The following LY6D variants were observed in gnomAD, a reference collection of about 807,000 sequenced individuals.
LY6D encodes the protein lymphocyte antigen 6 family member D.
A neutral mutation model predicts 5.6 loss-of-function variants in LY6D; 7 were observed. The ratio of observed to expected loss-of-function variants is 1.24; its 90% confidence interval spans 0.71 to 2.34. The LOEUF (loss-of-function observed/expected upper bound fraction) is 2.34. Among genes scored for constraint, LY6D ranks in the 30% most tolerant of loss-of-function variants. The pLI is 0.00. For synonymous variants in LY6D, 81 were observed against 75.0 expected (o/e 1.08, Z -0.41); for missense variants, 148 against 164.8 (o/e 0.90, Z 0.56).
intron 1 of LY6D, 60 bp from the exon 2 acceptor site, chr8:142,785,747 G>T: frequency 6.3e-7 from 1 of 1,596,624 alleles, no homozygotes; most frequent in South Asian, 1.1e-5. Context: ...GACTCAGCAG[G>T]GCCTGCTCCC....
chr8:142,785,302 G>A lies in LY6D; in HGVS notation c.306C>T (p.Thr102=), dbSNP rs1472736924. 1.2e-6 allele frequency: 2 copies of A among 1,613,490 alleles called. No homozygotes were observed. The highest frequency in any genetic ancestry group is 8.5e-7 in the Non-Finnish European group (1 of 1,179,914). The change falls in exon 3 of 3, where the codon ACC becomes ACT. Residue 102 remains threonine, a synonymous_variant. Transcript: ENST00000301263. ...CNEKLHNAAP[T]RTALAHSALS... Reference sequence around the variant, plus strand: ...GGGCACTGTGGGCGAGGGCGGTGCGGGTGGGTGCAGCGTTGTGCAGCTTCT... The same window carrying A: ...GGGCACTGTGGGCGAGGGCGGTGCGAGTGGGTGCAGCGTTGTGCAGCTTCT...
At chr8:142,786,438 G>T in intron 1 of LY6D, 27 bp downstream of exon 1, 1 of 1,190,524 alleles carries the variant, frequency 8.4e-7, no homozygotes, top group Non-Finnish European at 1.2e-6. Flanking sequence ...CCGCCCACCC[G>T]CCCGTCCCCT....
At chr8:142,785,551 C>A (rs750519427) in intron 2 of LY6D, 38 bp downstream of exon 2, 1 of 1,607,908 alleles carries the variant, frequency 6.2e-7, no homozygotes, top group African/African-American at 1.3e-5. Context: ...CCAGGGATGT[C>A]CCCCAGCCCC....
intron 1 of LY6D, chr8:142,785,961 G>A: frequency 7.6e-7 from 1 of 1,323,620 alleles, no homozygotes; most frequent in Non-Finnish European, 9.7e-7. Flanking sequence ...GTCTCAGGGA[G>A]CTCTGCGACT....
chr8:142,785,216 G>T lies in LY6D; in HGVS notation c.*5C>A, dbSNP rs1223232965. 1 of 1,593,694 alleles carries T rather than the reference G, an allele frequency of 6.3e-7. No individual in the cohort carries two copies. Among genetic ancestry groups the T allele is most frequent in the Admixed American group, 1.7e-5 (1 of 59,582 alleles). On this transcript the variant is annotated 3_prime_UTR_variant, in exon 3 of 3. Coordinates refer to ENST00000301263, the MANE Select transcript of LY6D (RefSeq NM_003695.3). ...AGGCATGAGGGGCCTTCCCTGGGGG[G>T]AAGGTCACAGGCTGGGGGCTAAGAT... is the stretch of plus-strand genomic sequence containing the variant.
rs1241792929 is a variant in LY6D at position 142,785,365 on chromosome 8, G to A, written c.243C>T (p.Thr81=). The change falls in exon 3 of 3, where the codon ACC becomes ACT. Residue 81 remains threonine, a synonymous_variant. Coordinates refer to ENST00000301263, the MANE Select transcript of LY6D (RefSeq NM_003695.3). ...YTLQGQVSSG[T]SSTQCCQEDL... Reference sequence around the variant, plus strand: ...CCTCCTGGCAGCACTGGGTGGAGCTGGTGCCGCTGCTGACCTGGCCTTGCA... The same window carrying A: ...CCTCCTGGCAGCACTGGGTGGAGCTAGTGCCGCTGCTGACCTGGCCTTGCA... 3.1e-6 allele frequency: 5 copies of A among 1,613,698 alleles called. No individual in the cohort carries two copies. The highest frequency in any genetic ancestry group is 1.1e-5 in the South Asian group (1 of 91,082).
rs1401708530 is a variant in LY6D, at chr8:142,785,627, C to A, written c.113G>T (p.Cys38Phe). 1 of 1,613,718 alleles carries A rather than the reference C, an allele frequency of 6.2e-7. No homozygotes were observed. Residue 38 changes from cysteine (C) to phenylalanine (F), a missense_variant, in exon 2 of 3, where the codon TGC (cysteine) becomes TTC (phenylalanine). Cys to Phe is a radical substitution (Grantham distance 205). Transcript: ENST00000301263. ...SSSNCKHSVV[C>F]PASSRFCKTT... is the part of the protein sequence containing the mutation. ...CTTGCAGAAGCGAGAGCTGGCCGGG[C>A]AGACCACAGAATGCTTGCAGTTGCT...
At chr8:142,785,550 T>C (rs1476240797) in intron 2 of LY6D, 39 bp downstream of exon 2, 1 of 1,607,240 alleles carries the variant, frequency 6.2e-7, no homozygotes, top group Non-Finnish European at 8.5e-7. Context: ...GCCAGGGATG[T>C]CCCCCAGCCC....
At position 142,785,041 on chromosome 8, in the gene LY6D, G is replaced by T; in HGVS notation, c.*180C>A. ...CTGTGGGGTGGCTTCATCCTCTGTGGGGTCTGTGGGGCCTGCTCCAAGTCA... is the reference window on the plus strand; with the variant it reads ...CTGTGGGGTGGCTTCATCCTCTGTGTGGTCTGTGGGGCCTGCTCCAAGTCA... On this transcript the variant is annotated 3_prime_UTR_variant, in exon 3 of 3. Coordinates refer to ENST00000301263, the MANE Select transcript of LY6D (RefSeq NM_003695.3). 6.7e-6 allele frequency: 4 copies of T among 594,980 alleles called. No homozygotes were observed. The South Asian group carries it at 8.4e-5, about 12-fold the overall frequency. The allele number at this position is 594,980 out of a possible 1,614,324, so 36.9% of individuals were successfully genotyped here.
At chr8:142,785,567 C>T (rs200340107) in intron 2 of LY6D, 22 bp downstream of exon 2, 3 of 1,612,622 alleles carry the variant, frequency 1.9e-6, no homozygotes, top group African/African-American at 1.3e-5. Context: ...GCCCCAGGGA[C>T]ACCTGGACAG....
At chr8:142,786,015 C>G (rs1815648928) in intron 1 of LY6D, 1 of 1,241,800 alleles carries the variant, frequency 8.1e-7, no homozygotes, top group African/African-American at 1.5e-5. Context: ...GGGGATGTCC[C>G]TGGAGGAGAT....
rs1815630002 is a variant in LY6D, at chr8:142,785,266, C to T, written c.342G>A (p.Gly114=). 6.2e-7 allele frequency: 1 copy of T among 1,612,596 alleles called. No individual in the cohort carries two copies. ...TGACGGCCAGGAGGCTCAGGGCCAG[C>T]CCCAGGCTGAGGGCACTGTGGGCGA... ...TALAHSALSL[G]LALSLLAVIL... Residue 114 remains glycine, a synonymous_variant, in exon 3 of 3, where the codon GGG becomes GGA. Transcript: ENST00000301263.
At chr8:142,786,415 A>C (rs773504836) in intron 1 of LY6D, 50 bp downstream of exon 1, 7 of 1,521,734 alleles carry the variant, frequency 4.6e-6, no homozygotes, top group Admixed American at 2.1e-5. Context: ...TTTGGTGACC[A>C]CACAGGCCAC....
Position 142,785,444 on chromosome 8 carries a change from C to G in LY6D, c.164G>C (p.Arg55Thr). 1 of 1,612,446 alleles carries G rather than the reference C, an allele frequency of 6.2e-7. No homozygotes were observed. The highest frequency in any genetic ancestry group is 8.5e-7 in the Non-Finnish European group (1 of 1,179,236). Residue 55 changes from arginine (R) to threonine (T), a missense_variant, in exon 3 of 3, where the codon AGG (arginine) becomes ACG (threonine). By Grantham distance (71) the Arg-to-Thr change is moderately conservative. Transcript: ENST00000301263. The stretch of plus-strand genomic sequence containing the variant: ...ACAGTCCTTCTTCACCAGATTCCCC[C>G]TCAGAGGCTCCACTGGGCACAGGTG... The part of the protein sequence containing the change: ...CKTTNTVEPL[R>T]GNLVKKDCAE...
At chr8:142,786,366 T>G (rs1016266351) in intron 1 of LY6D, 99 bp downstream of exon 1, 6 of 1,444,680 alleles carry the variant, frequency 4.2e-6, no homozygotes, top group Non-Finnish European at 5.5e-6. Context: ...GTGTCGGGGT[T>G]CTCTGTGCCT....
chr8:142,784,942 CAGA>C lies in LY6D; in HGVS notation c.*276_*278del, dbSNP rs201443899. ...AGTACAAAAATAAACGGCAACAAAA[CAGA>C]AGGAGTGTGAAATCCGGGGATCCAC... On this transcript the variant is annotated 3_prime_UTR_variant, in exon 3 of 3. Transcript: ENST00000301263. 20,753 of 474,564 alleles carry C rather than the reference CAGA, an allele frequency of 0.044. 535 individuals are homozygous for C. Among genetic ancestry groups the C allele is most frequent in the Middle Eastern group, 0.085 (155 of 1,820 alleles). 29.4% of individuals were successfully genotyped at this position (474,564 alleles called of 1,614,324 possible).
At chr8:142,786,243 C>G (rs372228861) in intron 1 of LY6D, 9 of 1,357,622 alleles carry the variant, frequency 6.6e-6, no homozygotes, top group Non-Finnish European at 8.5e-6. Context: ...TCTCAGGGTC[C>G]GTGACTCCAG....
In LY6D at chr8:142,785,191, A is replaced by G. The variant is rs779698505; in HGVS notation, c.*30T>C. On this transcript the variant is annotated 3_prime_UTR_variant, in exon 3 of 3. Transcript: ENST00000301263. ...GGAATCCCCAGAGAAAGGGAAGGAA[A>G]GGCATGAGGGGCCTTCCCTGGGGGG... The G allele has an allele frequency of 6.5e-7, 1 of 1,537,188 alleles. No homozygotes were observed. Among genetic ancestry groups the G allele is most frequent in the Non-Finnish European group, 8.9e-7 (1 of 1,120,392 alleles).
chr8:142,786,012 T>G, intron 1 of LY6D: 1 of 1,239,768 alleles, frequency 8.1e-7, no homozygotes, highest in Non-Finnish European at 1.0e-6. Flanking sequence ...CCAGGGGATG[T>G]CCCTGGAGGA....
Sources: gnomAD v4.1 joint callset for allele counts on GRCh38, gnomAD v4.1.1 for gene constraint, MANE v1.5 for transcripts, NCBI Gene and HGNC (gene_info 2026-07-23, HGNC 2026-07-21) for gene names.